The following LPP variants were observed in gnomAD, a reference collection of about 807,000 sequenced individuals.
LPP encodes the protein LIM domain containing preferred translocation partner in lipoma.
A neutral mutation model predicts 60.4 loss-of-function variants in LPP; 38 were observed. The observed-to-expected ratio is 0.63, with a 90% confidence interval of 0.49 to 0.83. The LOEUF is 0.83. Ranked by LOEUF, LPP falls within the 40% of genes least tolerant of loss-of-function variation. The pLI is 0.00. For missense variants in LPP, 902 were observed against 783.6 expected (o/e 1.15, Z -1.80); for synonymous variants, 328 against 290.8 (o/e 1.13, Z -1.30).
At chr3:188,832,716 A>G (rs1310614465) in intron 9 of LPP, among the ~76,000 whole-genome samples, 1 of 152,162 alleles carries the variant, frequency 6.6e-6, no homozygotes, top group Non-Finnish European at 1.5e-5. Flanking sequence ...CACCATCTTC[A>G]GTGGCAAGGA....
chr3:188,317,757 C>T (rs1755516711), intron 2 of LPP, among the ~76,000 whole-genome samples: 2 of 147,602 alleles, frequency 1.4e-5, no homozygotes, highest in South Asian at 4.4e-4. Flanking sequence ...GCTGTATTAA[C>T]CTGCTCTACC....
intron 1 of LPP, among the ~76,000 whole-genome samples, chr3:188,210,921 C>T (rs1451757314): frequency 6.6e-6 from 1 of 152,172 alleles, no homozygotes; most frequent in Non-Finnish European, 1.5e-5. Context: ...ATGGCGAGAT[C>T]TCTGTCCTGA....
At chr3:188,400,696 C>A (rs1000080594) in intron 3 of LPP, among the ~76,000 whole-genome samples, 2 of 152,174 alleles carry the variant, frequency 1.3e-5, no homozygotes, top group African/African-American at 4.8e-5. Flanking sequence ...CTCTTGCTTT[C>A]CTGTCTGCTG....
intron 7 of LPP, among the ~76,000 whole-genome samples, chr3:188,649,093 T>C (rs1851617159): frequency 6.6e-6 from 1 of 152,206 alleles, no homozygotes. Context: ...GCAGGAATGT[T>C]CCATTTTCAC....
intron 7 of LPP, among the ~76,000 whole-genome samples, chr3:188,681,011 T>C (rs1197206477): frequency 6.6e-6 from 1 of 150,968 alleles, no homozygotes; most frequent in African/African-American, 2.4e-5. Flanking sequence ...TTTTTTTTTT[T>C]TTGTGAGACA....
chr3:188,714,906 CAT>C (rs1713174796), intron 8 of LPP, among the ~76,000 whole-genome samples: 1 of 152,048 alleles, frequency 6.6e-6, no homozygotes. Flanking sequence ...AGGGAGGAAA[CAT>C]AGTAGAAAGT....
At chr3:188,645,193 G>A (rs1850881066) in intron 7 of LPP, among the ~76,000 whole-genome samples, 2 of 151,478 alleles carry the variant, frequency 1.3e-5, no homozygotes. Context: ...ATTTGAATAA[G>A]TGAAAGCTCT....
At chr3:188,711,294 TAACTC>T (rs1267563018) in intron 8 of LPP, 3 of 152,232 alleles carry the variant, frequency 2.0e-5, no homozygotes, top group East Asian at 1.9e-4. Flanking sequence ...TTATAGGAAT[TAACTC>T]ATTTCACTCT....
chr3:188,263,001 T>C (rs1456321602), intron 2 of LPP, among the ~76,000 whole-genome samples: 2 of 152,012 alleles, frequency 1.3e-5, no homozygotes, highest in Non-Finnish European at 2.9e-5. Flanking sequence ...TTTTTCTGTG[T>C]CCTTTAGCTG....
At chr3:188,462,545 T>TATATATATAA (rs1491190861) in intron 4 of LPP, among the ~76,000 whole-genome samples, 77 of 4,878 alleles carry the variant, frequency 0.016, 2 homozygotes, top group Non-Finnish European at 0.039. Flanking sequence ...ATATGAGCTT[T>TATATATATAA]ATATATATAT....
rs554419420 is a variant in LPP at position 188,494,541 on chromosome 3, G to T, written c.306+9837G>T. On this transcript the variant is annotated intron_variant, in intron 5 of 11. Coordinates refer to ENST00000617246, the MANE Select transcript of LPP (RefSeq NM_001375462.1). ...CCTAACGTCCATTCTAAAGAGCCTTGCCCCACCCCTCACCCTTTTTGTTAT... is the reference window on the plus strand; with the variant it reads ...CCTAACGTCCATTCTAAAGAGCCTTTCCCCACCCCTCACCCTTTTTGTTAT... Among the ~76,000 whole-genome samples the T allele has an allele frequency of 6.8e-4, 104 of 152,140 alleles. 1 individual carries two copies. Among genetic ancestry groups the T allele is most frequent in the African/African-American group, 2.4e-3 (99 of 41,512 alleles).
intron 7 of LPP, among the ~76,000 whole-genome samples, chr3:188,701,944 C>CTTTTTTTTTTTTTTTTT (rs35803152): frequency 8.4e-5 from 7 of 83,586 alleles, no homozygotes; most frequent in South Asian, 5.4e-4. Context: ...GTTTTTTTCC[C>CTTTTTTTTTTTTTTTTT]TTTTTTTTTT....
chr3:188,872,916 C>T (rs1174713699), intron 11 of LPP, among the ~76,000 whole-genome samples, 153 bp downstream of exon 11: 3 of 152,138 alleles, frequency 2.0e-5, no homozygotes, highest in Admixed American at 1.3e-4. Context: ...ACTAGTATTC[C>T]GAGCACATGC....
At chr3:188,582,109 T>C (rs1836313551) in intron 6 of LPP, among the ~76,000 whole-genome samples, 1 of 151,796 alleles carries the variant, frequency 6.6e-6, no homozygotes. Flanking sequence ...CCTTAGTGGC[T>C]CTTCGTCTCC....
chr3:188,347,205 T>C (rs1343988658), intron 3 of LPP, among the ~76,000 whole-genome samples: 1 of 152,104 alleles, frequency 6.6e-6, no homozygotes, highest in Non-Finnish European at 1.5e-5. Flanking sequence ...GAGACAATGA[T>C]GCAAGTTCAT....
At chr3:188,420,905 A>G (rs1787613661) in intron 4 of LPP, among the ~76,000 whole-genome samples, 2 of 152,204 alleles carry the variant, frequency 1.3e-5, no homozygotes, top group Admixed American at 1.3e-4. Flanking sequence ...ATATATGTAT[A>G]TATTTAATTT....
intron 2 of LPP, among the ~76,000 whole-genome samples, chr3:188,260,396 G>T (rs1192383786): frequency 1.3e-5 from 2 of 151,966 alleles, no homozygotes; most frequent in East Asian, 3.9e-4. Flanking sequence ...CGATAATGTG[G>T]GGTGTCTTGT....
intron 9 of LPP, among the ~76,000 whole-genome samples, chr3:188,808,773 G>A (rs993351755): frequency 3.9e-5 from 6 of 152,056 alleles, no homozygotes; most frequent in South Asian, 2.1e-4. Context: ...CTATCAACCC[G>A]TTGTCTAGTT....
At chr3:188,511,220 C>T (rs1479016010) in intron 5 of LPP, among the ~76,000 whole-genome samples, 2 of 117,044 alleles carry the variant, frequency 1.7e-5, no homozygotes, top group African/African-American at 3.3e-5. Context: ...TCCTCCCTTC[C>T]TTCCTCCCTT....
Sources: allele counts gnomAD v4.1 joint callset (sites outside exome capture counted in the v4.1 genomes callset), GRCh38; gene constraint gnomAD v4.1.1; transcripts MANE v1.5; gene names NCBI Gene and HGNC (gene_info 2026-07-23, HGNC 2026-07-21).